SORBS2: variants seen among roughly 807,000 people sequenced by gnomAD.
SORBS2 encodes the protein sorbin and SH3 domain containing 2, also known as sorbin and SH3 domain-containing protein 2.
SORBS2 carries 46 observed loss-of-function variants against 97.7 expected under a neutral mutation model. The observed-to-expected ratio is 0.47, with a 90% CI of 0.37 to 0.60. The LOEUF (loss-of-function observed/expected upper bound fraction) is 0.60. Ranked by LOEUF, SORBS2 falls within the 20% of genes least tolerant of loss-of-function variation. The pLI is 0.00. For synonymous variants in SORBS2, 476 were observed against 473.4 expected, an observed-to-expected ratio of 1.01 and a Z score of -0.07; for missense variants, 1,316 against 1,282.3, an observed-to-expected ratio of 1.03 and a Z score of -0.40.
At chr4:185,769,883 G>A (rs916358915) in intron 2 of SORBS2, among the ~76,000 whole-genome samples, 7 of 152,148 alleles carry the variant, frequency 4.6e-5, no homozygotes, top group African/African-American at 1.4e-4. Flanking sequence ...GAAAAAGACC[G>A]TTTTCCTTTC....
At chr4:185,797,009 A>G (rs1299223734) in intron 1 of SORBS2, among the ~76,000 whole-genome samples, 1 of 152,088 alleles carries the variant, frequency 6.6e-6, no homozygotes, top group Non-Finnish European at 1.5e-5. Flanking sequence ...GGCAGCTTCC[A>G]GAGCGAATGT....
chr4:185,880,865 A>G (rs1463444376), intron 1 of SORBS2, among the ~76,000 whole-genome samples: 2 of 152,200 alleles, frequency 1.3e-5, no homozygotes, highest in Non-Finnish European at 2.9e-5. Context: ...CAACTAAGAG[A>G]TCTGGGAAGT....
intron 2 of SORBS2, among the ~76,000 whole-genome samples, chr4:185,705,687 T>C (rs1173570975): frequency 6.6e-6 from 1 of 152,238 alleles, no homozygotes; most frequent in African/African-American, 2.4e-5. Flanking sequence ...ACATATTATT[T>C]ACCCAGTGAA....
intron 1 of SORBS2, among the ~76,000 whole-genome samples, chr4:185,942,073 G>A (rs1276621026): frequency 6.6e-6 from 1 of 152,074 alleles, no homozygotes; most frequent in Non-Finnish European, 1.5e-5. Context: ...CCAAGATCAT[G>A]CCACTGCACT....
At chr4:185,951,833 C>T (rs1352678046) in intron 1 of SORBS2, among the ~76,000 whole-genome samples, 1 of 152,126 alleles carries the variant, frequency 6.6e-6, no homozygotes, top group Admixed American at 6.6e-5. Flanking sequence ...GGAAATAAAT[C>T]GGGTTAGTGA....
At chr4:185,838,908 C>G (rs895604786) in intron 1 of SORBS2, among the ~76,000 whole-genome samples, 10 of 152,156 alleles carry the variant, frequency 6.6e-5, no homozygotes, top group Non-Finnish European at 1.2e-4. Flanking sequence ...AAGACGTGTG[C>G]TCAGCCACCA....
chr4:185,836,224 G>C (rs1040915000), intron 1 of SORBS2, among the ~76,000 whole-genome samples: 1 of 152,140 alleles, frequency 6.6e-6, no homozygotes, highest in Non-Finnish European at 1.5e-5. Context: ...GAAGCAGTTG[G>C]GAAGTGAATG....
intron 4 of SORBS2, 76 bp from the exon 15 acceptor site, chr4:185,638,238 A>G (rs1295903705): frequency 3.4e-6 from 3 of 888,580 alleles, no homozygotes; most frequent in Non-Finnish European, 5.6e-6. Flanking sequence ...TGGCATGAAA[A>G]ACTCACGCGC....
intron 1 of SORBS2, among the ~76,000 whole-genome samples, chr4:185,863,353 G>A (rs2099224967): frequency 6.6e-6 from 1 of 152,156 alleles, no homozygotes; most frequent in Non-Finnish European, 1.5e-5. Context: ...TTCAGTTAGG[G>A]AGACAGGTAC....
chr4:185,827,215 A>T (rs2099200923), intron 1 of SORBS2, among the ~76,000 whole-genome samples: 1 of 142,312 alleles, frequency 7.0e-6, no homozygotes, highest in Non-Finnish European at 1.5e-5. Context: ...CATCATCACC[A>T]TCATCACCAT....
At chr4:185,610,426 A>ACT (rs34227344) in intron 12 of SORBS2, among the ~76,000 whole-genome samples, 99,365 of 151,764 alleles carry the variant, frequency 0.65, 33,495 homozygotes, top group African/African-American at 0.81. Flanking sequence ...ATTCTGGAAA[A>ACT]CTATAACCAA....
chr4:185,643,748 C>G (rs964973601), intron 4 of SORBS2, among the ~76,000 whole-genome samples: 1 of 152,164 alleles, frequency 6.6e-6, no homozygotes, highest in Non-Finnish European at 1.5e-5. Flanking sequence ...ACAGAATTGC[C>G]CAGGTGTTGT....
intron 14 of SORBS2, 91 bp from the exon 27 acceptor site, chr4:185,587,779 A>G: frequency 2.0e-6 from 2 of 985,096 alleles, no homozygotes; most frequent in East Asian, 2.4e-5. Context: ...AAGGCCTCGG[A>G]AGACAGCAAG....
At chr4:185,799,015 T>C (rs1288326997) in intron 1 of SORBS2, among the ~76,000 whole-genome samples, 2 of 152,144 alleles carry the variant, frequency 1.3e-5, no homozygotes, top group Non-Finnish European at 2.9e-5. Flanking sequence ...GCTCCAAAAA[T>C]AGAGAAGAAA....
intron 1 of SORBS2, among the ~76,000 whole-genome samples, chr4:185,877,883 A>AAAAAAAAG (rs1344109012): frequency 1.4e-4 from 20 of 145,174 alleles, no homozygotes; most frequent in Middle Eastern, 3.4e-3. Flanking sequence ...ACAAAAAAAA[A>AAAAAAAAG]AAAGAAAGAA....
intron 2 of SORBS2, among the ~76,000 whole-genome samples, chr4:185,720,696 A>T (rs2098505926): frequency 6.6e-6 from 1 of 152,180 alleles, no homozygotes; most frequent in Non-Finnish European, 1.5e-5. Flanking sequence ...TTTGCAAATT[A>T]TATTTTGGTT....
chr4:185,637,729 C>A (rs1256522904), intron 4 of SORBS2, among the ~76,000 whole-genome samples: 2 of 152,156 alleles, frequency 1.3e-5, no homozygotes, highest in East Asian at 3.9e-4. Flanking sequence ...TCAAGGTGCT[C>A]TTCTGCTTGA....
chr4:185,866,712 A>G (rs1044727201), intron 1 of SORBS2, among the ~76,000 whole-genome samples: 1 of 152,174 alleles, frequency 6.6e-6, no homozygotes, highest in Non-Finnish European at 1.5e-5. Context: ...CTTGTTTCCT[A>G]TCTTGAATAT....
chr4:185,677,575 C>A (rs755786069), intron 4 of SORBS2: 9 of 1,542,414 alleles, frequency 5.8e-6, no homozygotes, highest in African/African-American at 4.1e-5. Context: ...AAAATGACAC[C>A]CTTTGTGTGA....
Sources: allele counts gnomAD v4.1 joint callset (sites outside exome capture counted in the v4.1 genomes callset), GRCh38; gene constraint gnomAD v4.1.1; transcripts MANE v1.5; gene names NCBI Gene and HGNC (gene_info 2026-07-23, HGNC 2026-07-21).